The following YIPF3 variants were observed in gnomAD, a reference collection of about 807,000 sequenced individuals.
YIPF3 encodes the protein protein YIPF3.
A neutral mutation model predicts 40.3 loss-of-function variants in YIPF3; 18 were observed. The ratio of observed to expected loss-of-function variants is 0.45; its 90% CI spans 0.31 to 0.66. YIPF3 has a LOEUF of 0.66. Ranked by LOEUF, YIPF3 falls within the 30% of genes least tolerant of loss-of-function variation. The pLI is 0.07. For missense variants in YIPF3, 406 were observed against 452.2 expected (o/e 0.90, Z 0.93); for synonymous variants, 190 against 179.6 (o/e 1.06, Z -0.46).
At chr6:43,513,002 C>G in intron 6 of YIPF3, 67 bp downstream of exon 6, 3 of 1,602,706 alleles carry the variant, frequency 1.9e-6, no homozygotes, top group South Asian at 2.2e-5. Context: ...GGCCCCAGGA[C>G]AGATGCCGAC....
At chr6:43,515,566 G>A (rs1792789068) in intron 3 of YIPF3, 29 bp downstream of exon 3, 1 of 1,610,860 alleles carries the variant, frequency 6.2e-7, no homozygotes, top group Non-Finnish European at 8.5e-7. Context: ...GTGTTAGGAG[G>A]GAAGCTTCTT....
In YIPF3 at chr6:43,516,892, C is replaced by G; in HGVS notation, c.-85G>C. 7 of 1,458,342 alleles carry G rather than the reference C, an allele frequency of 4.8e-6. No individual in the cohort carries two copies. Among genetic ancestry groups the G allele is most frequent in the South Asian group, 1.2e-5 (1 of 82,436 alleles). The allele number at this position is 1,458,342 out of a possible 1,614,324, so 90.3% of individuals were successfully genotyped here. On this transcript the variant is annotated 5_prime_UTR_variant, in exon 1 of 9. Transcript: ENST00000372422. Reference sequence around the variant, plus strand: ...ATGTGGGCCTCCGGAAGGTAGACGTCCAGGGTCGAGGAGAGGTGGGATCGG... The same window carrying G: ...ATGTGGGCCTCCGGAAGGTAGACGTGCAGGGTCGAGGAGAGGTGGGATCGG...
Position 43,516,694 on chromosome 6 carries a change from G to A in YIPF3, c.81+33C>T, listed in dbSNP as rs1053733870. ...CACTTCTGGACATCGCCGGCCCTCCGGCTGCTGGCAGCTGGTGCCTTGGGG... is the reference window on the plus strand; with the variant it reads ...CACTTCTGGACATCGCCGGCCCTCCAGCTGCTGGCAGCTGGTGCCTTGGGG... On this transcript the variant is annotated intron_variant, in intron 1 of 8. Transcript: ENST00000372422. 3 of 1,610,168 alleles carry A rather than the reference G, an allele frequency of 1.9e-6. No individual in the cohort carries two copies. The African/African-American group carries it at 4.0e-5, about 21-fold the overall frequency.
intron 3 of YIPF3, 169 bp downstream of exon 3, chr6:43,515,426 G>C (rs951511460): frequency 2.0e-5 from 14 of 714,534 alleles, no homozygotes; most frequent in Non-Finnish European, 3.5e-5. Flanking sequence ...GAAAAGAAGA[G>C]GAAGATGGTG....
At chr6:43,515,391 G>A in intron 3 of YIPF3, 1 of 669,850 alleles carries the variant, frequency 1.5e-6, no homozygotes, top group Middle Eastern at 2.4e-4. Context: ...TAGGTTTTGA[G>A]GGAAGATGAG....
At position 43,516,851 on chromosome 6, in the gene YIPF3, G is replaced by C; in HGVS notation, c.-44C>G. 1 of 1,551,434 alleles carries C rather than the reference G, an allele frequency of 6.4e-7. No homozygotes were observed. On this transcript the variant is annotated 5_prime_UTR_variant, in exon 1 of 9. Transcript: ENST00000372422. ...TCGCTGAAACCCGCGCTAGCCCCGC[G>C]CGCGGAGTGGGCAAGATGTGGGCCT...
Position 43,512,010 on chromosome 6 carries a change from G to T in YIPF3, c.*157C>A. 1 of 1,223,878 alleles carries T rather than the reference G, an allele frequency of 8.2e-7. No individual in the cohort carries two copies. Among genetic ancestry groups the T allele is most frequent in the Non-Finnish European group, 1.1e-6 (1 of 882,354 alleles). 75.8% of individuals were successfully genotyped at this position (1,223,878 alleles called of 1,614,324 possible). ...GGAGTTCTTGGCCTTGTGCCTTTCA[G>T]AAGTGCCGACAGGCATCAAGGAGGT... On this transcript the variant is annotated 3_prime_UTR_variant, in exon 9 of 9. Transcript: ENST00000372422.
At position 43,513,377 on chromosome 6, in the gene YIPF3, C is replaced by T. The variant is rs1792710894; in HGVS notation, c.516G>A (p.Lys172=). ...TGCTTACGATAATAGTGTCAGACGT[C>T]TTCATCCCATGGAGTAGGATAGCAA... The part of the protein sequence containing the change: ...TLVAILLHGM[K]TSDTIIREGT... Residue 172 remains lysine (K), a synonymous_variant, in exon 5 of 9, where the codon AAG becomes AAA. Transcript: ENST00000372422. 3.1e-6 allele frequency: 5 copies of T among 1,614,218 alleles called. No homozygotes were observed. The East Asian group carries it at 8.9e-5, about 29-fold the overall frequency.
At chr6:43,513,513 C>A (rs1792713195) in intron 4 of YIPF3, 62 bp from the exon 5 acceptor site, 2 of 1,610,988 alleles carry the variant, frequency 1.2e-6, no homozygotes, top group African/African-American at 2.7e-5. Context: ...TATGGCTTCC[C>A]AGGATTTGCC....
In YIPF3 at chr6:43,512,022, G is replaced by A; in HGVS notation, c.*145C>T. 1 of 1,305,634 alleles carries A rather than the reference G, an allele frequency of 7.7e-7. No individual in the cohort carries two copies. The highest frequency in any genetic ancestry group is 1.1e-6 in the Non-Finnish European group (1 of 948,614). 80.9% of individuals were successfully genotyped at this position (1,305,634 alleles called of 1,614,324 possible). On this transcript the variant is annotated 3_prime_UTR_variant, in exon 9 of 9. Coordinates refer to ENST00000372422, the MANE Select transcript of YIPF3 (RefSeq NM_015388.4). ...CTTGTGCCTTTCAGAAGTGCCGACA[G>A]GCATCAAGGAGGTACTTACGCAGCT... is the stretch of plus-strand genomic sequence containing the variant.
At position 43,512,296 on chromosome 6, in the gene YIPF3, C is replaced by T. The variant is rs1338556071; in HGVS notation, c.924G>A (p.Glu308=). 5.0e-6 allele frequency: 8 copies of T among 1,610,622 alleles called. No individual in the cohort carries two copies. Among genetic ancestry groups the T allele is most frequent in the Middle Eastern group, 3.3e-4 (2 of 6,054 alleles). Residue 308 remains glutamate, a synonymous_variant, in exon 9 of 9, where the codon GAG becomes GAA. Transcript: ENST00000372422. ...TCTGGATGGGCGGGATGTTGGGGCCCTCCAGTGTGTCCAGGATCCCTGGAA... is the reference window on the plus strand; with the variant it reads ...TCTGGATGGGCGGGATGTTGGGGCCTTCCAGTGTGTCCAGGATCCCTGGAA... The part of the protein sequence containing the change: ...KVVEGILDTL[E]GPNIPPIQRV...
In YIPF3 at chr6:43,515,596, T is replaced by C; in HGVS notation, c.394A>G (p.Arg132Gly). The change falls in exon 3 of 9, where the codon AGG becomes GGG. Residue 132 changes from arginine (R) to glycine (G), a missense_variant and splice_region_variant. Arg to Gly is a moderately radical substitution (Grantham distance 125). Transcript: ENST00000372422. ...CTTCTTCAAGAGAAGGCTCCTCACC[T>C]GCTTCGCACCTGAGCAGGCTCCACA... ...FDVEPAQVRS[R>G]LLESMIPIKM... The C allele has an allele frequency of 1.9e-6, 3 of 1,613,356 alleles. No individual in the cohort carries two copies. The highest frequency in any genetic ancestry group is 2.5e-6 in the Non-Finnish European group (3 of 1,180,014).
intron 3 of YIPF3, chr6:43,513,929 C>T (rs949720458): frequency 3.6e-5 from 10 of 277,098 alleles, no homozygotes; most frequent in South Asian, 1.2e-4. Context: ...ACCATGTATC[C>T]GTCTGCCCCC....
At chr6:43,513,296 T>C (rs1473202940) in intron 5 of YIPF3, 63 bp downstream of exon 5, 2 of 1,613,460 alleles carry the variant, frequency 1.2e-6, no homozygotes, top group Admixed American at 3.3e-5. Context: ...ACTCCACCAT[T>C]GTATCCTCAG....
rs545757966 is a variant in YIPF3 at position 43,516,902 on chromosome 6, G to A, written c.-95C>T. 1.1e-3 allele frequency: 1,489 copies of A among 1,387,754 alleles called. 3 individuals carry two copies. Among genetic ancestry groups the A allele is most frequent in the Non-Finnish European group, 1.4e-3 (1,414 of 1,000,182 alleles). The allele number at this position is 1,387,754 out of a possible 1,614,324, so 86.0% of individuals were successfully genotyped here. ...CCGGAAGGTAGACGTCCAGGGTCGA[G>A]GAGAGGTGGGATCGGCCGGAACACA... On this transcript the variant is annotated 5_prime_UTR_variant, in exon 1 of 9. Coordinates refer to ENST00000372422, the MANE Select transcript of YIPF3 (RefSeq NM_015388.4).
intron 1 of YIPF3, 173 bp downstream of exon 1, chr6:43,516,554 G>A (rs967287454): frequency 5.3e-6 from 4 of 750,346 alleles, no homozygotes; most frequent in Non-Finnish European, 8.5e-6. Flanking sequence ...TGGAGTAGTA[G>A]TCTGGCCCTT....
At chr6:43,515,800 C>T (rs2231766) in intron 2 of YIPF3, 89 bp downstream of exon 2, 60,753 of 1,597,814 alleles carry the variant, frequency 0.038, 1,622 homozygotes, top group African/African-American at 0.11. Flanking sequence ...AACTGGACAA[C>T]CTGGGGCGAA....
Position 43,516,867 on chromosome 6 carries a change from A to T in YIPF3, c.-60T>A. 1 of 1,532,394 alleles carries T rather than the reference A, an allele frequency of 6.5e-7. No homozygotes were observed. Among genetic ancestry groups the T allele is most frequent in the Non-Finnish European group, 8.9e-7 (1 of 1,129,488 alleles). 94.9% of individuals were successfully genotyped at this position (1,532,394 alleles called of 1,614,324 possible). ...TAGCCCCGCGCGCGGAGTGGGCAAG[A>T]TGTGGGCCTCCGGAAGGTAGACGTC... is the stretch of plus-strand genomic sequence containing the variant. On this transcript the variant is annotated 5_prime_UTR_variant, in exon 1 of 9. Coordinates refer to ENST00000372422, the MANE Select transcript of YIPF3 (RefSeq NM_015388.4).
chr6:43,512,979 T>C, intron 6 of YIPF3, 90 bp downstream of exon 6: 3 of 1,594,258 alleles, frequency 1.9e-6, no homozygotes, highest in Non-Finnish European at 2.6e-6. Flanking sequence ...ACTCCTCCCA[T>C]TCCAGGCTTT....
Sources: allele counts gnomAD v4.1 joint callset, GRCh38; gene constraint gnomAD v4.1.1; transcripts MANE v1.5; gene names NCBI Gene and HGNC (gene_info 2026-07-23, HGNC 2026-07-21).